The following PCDHA9 variants were observed in gnomAD, a reference collection of about 807,000 sequenced individuals.
PCDHA9 encodes the protein protocadherin alpha 9.
Under a neutral mutation model 62.0 loss-of-function variants are expected in PCDHA9, and 62 were observed. That is an observed-to-expected ratio of 1.00 (90% CI 0.81 to 1.23). The LOEUF is 1.23. PCDHA9 is among the 50% of genes most tolerant of loss of function. The probability of loss-of-function intolerance (pLI) is 0.00; values close to 1 mark genes in which losing one functional copy is unlikely to be tolerated. For synonymous variants in PCDHA9, 557 were observed against 567.6 expected (o/e 0.98, Z 0.27); for missense variants, 1,205 against 1,249.8 (o/e 0.96, Z 0.54).
At chr5:140,895,197 T>C (rs782373000) in intron 1 of PCDHA9, among the ~76,000 whole-genome samples, 2 of 152,182 alleles carry the variant, frequency 1.3e-5, no homozygotes, top group Non-Finnish European at 1.5e-5. Flanking sequence ...AAGTTTTGAA[T>C]TTGCTTTTAT....
intron 1 of PCDHA9, among the ~76,000 whole-genome samples, chr5:140,911,992 A>T (rs904624481): frequency 6.6e-6 from 1 of 152,342 alleles, no homozygotes; most frequent in East Asian, 1.9e-4. Flanking sequence ...ACAAGGTCCC[A>T]CAATAGGCCA....
chr5:140,876,236 T>C (rs782328225), intron 1 of PCDHA9: 24 of 1,613,974 alleles, frequency 1.5e-5, no homozygotes, highest in Non-Finnish European at 1.4e-5. Flanking sequence ...TCTGAAAATG[T>C]CCAAAACGAC....
rs140949600 is a variant in PCDHA9, at chr5:140,848,602, C to G, written c.107C>G (p.Pro36Arg). ...VGSGQLHYSV[P>R]EEAEHGTFVG... Reference sequence around the variant, plus strand: ...AGCGGCCAGCTCCACTACTCCGTCCCGGAGGAAGCCGAACACGGCACCTTC... The same window carrying G: ...AGCGGCCAGCTCCACTACTCCGTCCGGGAGGAAGCCGAACACGGCACCTTC... Residue 36 changes from proline (P) to arginine (R), a missense_variant, in exon 1 of 4, where the codon CCG becomes CGG. Around this residue, in one of 3 missense-constraint regions of PCDHA9, gnomAD observed 208 missense variants for 213.2 expected, o/e 0.98. Transcript: ENST00000532602. 8.2e-6 allele frequency: 13 copies of G among 1,593,476 alleles called. 1 individual carries two copies. In the South Asian group the frequency reaches 1.1e-4, roughly 14 times the overall value.
intron 1 of PCDHA9, among the ~76,000 whole-genome samples, chr5:140,886,962 G>A (rs1017446014): frequency 6.6e-6 from 1 of 151,842 alleles, no homozygotes; most frequent in African/African-American, 2.4e-5. Context: ...ATTTAGCAAC[G>A]AAATTTATTA....
intron 1 of PCDHA9, chr5:140,869,773 G>A (rs1554163437): frequency 6.2e-7 from 1 of 1,612,948 alleles, no homozygotes; most frequent in Non-Finnish European, 8.5e-7. Context: ...AGAGCTTACT[G>A]GCACCGTTCG....
At chr5:140,914,016 G>A (rs1344982730) in intron 1 of PCDHA9, among the ~76,000 whole-genome samples, 2 of 152,140 alleles carry the variant, frequency 1.3e-5, no homozygotes, top group Non-Finnish European at 2.9e-5. Flanking sequence ...CTTTGAGAAT[G>A]ATCCACGTGC....
chr5:140,898,033 GTTGT>G (rs2066486498), intron 1 of PCDHA9, among the ~76,000 whole-genome samples: 1 of 152,032 alleles, frequency 6.6e-6, no homozygotes, highest in South Asian at 2.1e-4. Flanking sequence ...TTTTGATGGG[GTTGT>G]TTGTTTTTTT....
At position 140,857,263 on chromosome 5, in the gene PCDHA9, A is replaced by G. The variant is rs367883816; in HGVS notation, c.2394+6374A>G. On this transcript the variant is annotated intron_variant, in intron 1 of 3. Coordinates refer to ENST00000532602, the MANE Select transcript of PCDHA9 (RefSeq NM_031857.2). The stretch of plus-strand genomic sequence containing the variant: ...TGTCCACCTACAAGAATTACTACTC[A>G]TTGGTGCTGGACAGCGCTCTGGACC... 5.0e-5 allele frequency: 80 copies of G among 1,598,534 alleles called. 2 individuals carry two copies. In the East Asian group the frequency reaches 1.3e-3, roughly 25 times the overall value.
rs2150487907 is a variant in PCDHA9 at position 140,850,523 on chromosome 5, A to G, written c.2028A>G (p.Pro676=). 6.3e-7 allele frequency: 1 copy of G among 1,598,226 alleles called. No homozygotes were observed. Among genetic ancestry groups the G allele is most frequent in the Non-Finnish European group, 8.6e-7 (1 of 1,167,782 alleles). The part of the protein sequence containing the change: ...LVSLVESGQA[P]KSSSRASVGA... ...CGCTGGTGGAGAGCGGCCAGGCGCCAAAGTCATCGTCGCGGGCGTCAGTGG... is the reference window on the plus strand; with the variant it reads ...CGCTGGTGGAGAGCGGCCAGGCGCCGAAGTCATCGTCGCGGGCGTCAGTGG... The change falls in exon 1 of 4, where the codon CCA becomes CCG. Residue 676 remains proline, a synonymous_variant. Transcript: ENST00000532602.
chr5:140,999,180 GAGA>G (rs1554256675), intron 3 of PCDHA9, among the ~76,000 whole-genome samples: 1 of 152,238 alleles, frequency 6.6e-6, no homozygotes, highest in East Asian at 1.9e-4. Context: ...GCCTGATGGG[GAGA>G]GGGTCCTTGG....
In PCDHA9 at chr5:140,857,722, C is replaced by A. The variant is rs371525843; in HGVS notation, c.2394+6833C>A. The A allele has an allele frequency of 6.9e-6, 11 of 1,597,318 alleles. 1 individual carries two copies. Among genetic ancestry groups the A allele is most frequent in the Non-Finnish European group, 9.4e-6 (11 of 1,167,728 alleles). On this transcript the variant is annotated intron_variant, in intron 1 of 3. Coordinates refer to ENST00000532602, the MANE Select transcript of PCDHA9 (RefSeq NM_031857.2). ...TGCAGGTGTTCGTGCTGGACGAGAA[C>A]GACAACGCTCCCGCGCTGCTGGCGT... is the stretch of plus-strand genomic sequence containing the variant.
chr5:140,871,118 G>A, intron 1 of PCDHA9: 3 of 1,613,306 alleles, frequency 1.9e-6, no homozygotes, highest in Non-Finnish European at 2.5e-6. Flanking sequence ...GTGGAGAGCG[G>A]ACAGGCGCCA....
intron 1 of PCDHA9, among the ~76,000 whole-genome samples, chr5:140,900,339 G>A (rs1019458960): frequency 7.2e-5 from 11 of 151,812 alleles, no homozygotes; most frequent in East Asian, 2.0e-4. Context: ...GTACCGTGGC[G>A]CAATCTTGGC....
At chr5:140,905,092 CAGTCATGAA>C (rs1554191919) in intron 1 of PCDHA9, among the ~76,000 whole-genome samples, 5 of 152,092 alleles carry the variant, frequency 3.3e-5, no homozygotes, top group African/African-American at 1.2e-4. Flanking sequence ...TTTGGGTTCT[CAGTCATGAA>C]TTGTTTGCCT....
intron 1 of PCDHA9, among the ~76,000 whole-genome samples, chr5:140,904,695 G>A (rs1276696069): frequency 2.0e-5 from 3 of 152,024 alleles, no homozygotes; most frequent in Admixed American, 2.0e-4. Flanking sequence ...GTGTAAAATT[G>A]TTCCCTTTTC....
chr5:140,905,540 C>T (rs1294771375), intron 1 of PCDHA9, among the ~76,000 whole-genome samples: 5 of 151,890 alleles, frequency 3.3e-5, no homozygotes, highest in African/African-American at 9.7e-5. Flanking sequence ...TCCATATGAA[C>T]TTTAGGATTG....
intron 1 of PCDHA9, among the ~76,000 whole-genome samples, chr5:140,895,416 C>A (rs2065002617): frequency 6.6e-6 from 1 of 152,168 alleles, no homozygotes; most frequent in South Asian, 2.1e-4. Context: ...CCATAACCTT[C>A]TTTTGCTTCC....
intron 1 of PCDHA9, chr5:140,852,195 C>A: frequency 2.8e-6 from 2 of 709,280 alleles, no homozygotes; most frequent in African/African-American, 1.9e-5. Context: ...ATGCCAGTAA[C>A]GTTTATTTAA....
At position 140,913,388 on chromosome 5, in the gene PCDHA9, G is replaced by A. The variant is rs180918053; in HGVS notation, c.2394+62499G>A. On this transcript the variant is annotated intron_variant, in intron 1 of 3. Coordinates refer to ENST00000532602, the MANE Select transcript of PCDHA9 (RefSeq NM_031857.2). ...TATTGGCATATAGTGGCTCATCATAGCCACTAATGATCCTTTGAATTCCTG... is the reference window on the plus strand; with the variant it reads ...TATTGGCATATAGTGGCTCATCATAACCACTAATGATCCTTTGAATTCCTG... Among the ~76,000 whole-genome samples, 155 of 152,188 alleles carry A rather than the reference G, an allele frequency of 1.0e-3. 2 individuals are homozygous for A. The highest frequency in any genetic ancestry group is 3.7e-3 in the African/African-American group (152 of 41,534).
Sources: gnomAD v4.1 joint callset for allele counts (sites outside exome capture counted in the v4.1 genomes callset) on GRCh38, gnomAD v4.1.1 for gene constraint, gnomAD v4.1.1 regional missense constraint, MANE v1.5 for transcripts, NCBI Gene and HGNC (gene_info 2026-07-23, HGNC 2026-07-21) for gene names.